The following MYOM1 variants were observed in gnomAD, a reference collection of about 807,000 sequenced individuals.
The protein encoded by MYOM1 is myomesin 1.
MYOM1 carries 164 observed loss-of-function variants against 205.3 expected under a neutral mutation model. The observed-to-expected ratio is 0.80, with a 90% CI of 0.70 to 0.91. The LOEUF (loss-of-function observed/expected upper bound fraction) is 0.91. MYOM1 is among the 40% of genes least tolerant of loss of function. The pLI is 0.00. For synonymous variants in MYOM1, 772 were observed against 789.4 expected (o/e 0.98, Z 0.37); for missense variants, 2,011 against 2,127.3 (o/e 0.95, Z 1.08).
In MYOM1 at chr18:3,142,164, T is replaced by C. The variant is rs1598716668; in HGVS notation, c.1901-101A>G. The C allele has an allele frequency of 2.9e-6, 4 of 1,374,240 alleles. No individual in the cohort carries two copies. In the East Asian group the frequency reaches 7.0e-5, roughly 24 times the overall value. The allele number at this position is 1,374,240 out of a possible 1,614,324, so 85.1% of individuals were successfully genotyped here. ...TCTCCTCCTGAGGAAGAGTTAATTA[T>C]GTCTCCACAGTTTAAAGAAGTACCT... On this transcript the variant is annotated intron_variant, in intron 13 of 37. Transcript: ENST00000356443.
chr18:3,121,638 G>T (rs2097724292), intron 19 of MYOM1, among the ~76,000 whole-genome samples: 1 of 147,872 alleles, frequency 6.8e-6, no homozygotes, highest in Admixed American at 6.9e-5. Flanking sequence ...AGGTAAAGGG[G>T]TAAAGTTTTT....
chr18:3,111,240 C>T (rs1034865427), intron 22 of MYOM1, among the ~76,000 whole-genome samples: 1 of 149,532 alleles, frequency 6.7e-6, no homozygotes, highest in Non-Finnish European at 1.5e-5. Context: ...CAGTGCCTGG[C>T]CTCCGGTGCT....
At chr18:3,241,540 C>A in the MYOM1 span, among the ~76,000 whole-genome samples, 1 of 152,240 alleles carries the variant, frequency 6.6e-6, no homozygotes, top group South Asian at 2.1e-4. Context: ...CCTGGATGCC[C>A]AAGCAGAAGT....
intron 5 of MYOM1, among the ~76,000 whole-genome samples, chr18:3,180,043 T>G (rs1053009489): frequency 3.3e-5 from 5 of 152,166 alleles, no homozygotes; most frequent in African/African-American, 1.2e-4. Flanking sequence ...ATGCCTGTAA[T>G]CCCAGAACTT....
chr18:3,178,912 T>A (rs1036743232), intron 5 of MYOM1, among the ~76,000 whole-genome samples: 2 of 151,918 alleles, frequency 1.3e-5, no homozygotes, highest in African/African-American at 4.8e-5. Flanking sequence ...CTGTCTCCCA[T>A]GCTGGAGTGC....
intron 36 of MYOM1, among the ~76,000 whole-genome samples, chr18:3,072,100 G>T (rs1474853343): frequency 6.6e-6 from 1 of 151,766 alleles, no homozygotes; most frequent in Non-Finnish European, 1.5e-5. Flanking sequence ...ACCCAGGCTG[G>T]AGTGCAATGG....
At chr18:3,147,152 TA>T (rs2080140650) in intron 13 of MYOM1, among the ~76,000 whole-genome samples, 1 of 143,226 alleles carries the variant, frequency 7.0e-6, no homozygotes, top group Non-Finnish European at 1.5e-5. Flanking sequence ...ATATATATAT[TA>T]TATAGAAATA....
chr18:3,108,289 C>T (rs1250466435), intron 22 of MYOM1, among the ~76,000 whole-genome samples: 1 of 152,076 alleles, frequency 6.6e-6, no homozygotes, highest in Non-Finnish European at 1.5e-5. Flanking sequence ...ACCTAATGGG[C>T]GATTACACTA....
At chr18:3,141,099 T>C (rs1302393533) in intron 14 of MYOM1, among the ~76,000 whole-genome samples, 3 of 152,190 alleles carry the variant, frequency 2.0e-5, no homozygotes, top group African/African-American at 7.2e-5. Flanking sequence ...ATGATCCTGT[T>C]AGCCAAGGAC....
intron 19 of MYOM1, among the ~76,000 whole-genome samples, chr18:3,123,496 TGAAGAAAAA>T (rs1179078757): frequency 1.3e-5 from 2 of 151,986 alleles, no homozygotes; most frequent in Non-Finnish European, 2.9e-5. Flanking sequence ...CCAAAACGAA[TGAAGAAAAA>T]TAACATGTTC....
chr18:3,198,659 C>G (rs2081025082), intron 2 of MYOM1, among the ~76,000 whole-genome samples: 5 of 152,000 alleles, frequency 3.3e-5, no homozygotes, highest in South Asian at 2.1e-4. Flanking sequence ...TGGCGGGCGC[C>G]TGTAATCCCA....
intron 10 of MYOM1, 61 bp from the exon 11 acceptor site, chr18:3,155,149 G>A: frequency 6.6e-7 from 1 of 1,517,088 alleles, no homozygotes; most frequent in Non-Finnish European, 8.9e-7. Flanking sequence ...CGGCAGGCAG[G>A]TCTCAGCGCA....
At chr18:3,139,667 C>T (rs1177425375) in intron 14 of MYOM1, among the ~76,000 whole-genome samples, 2 of 152,176 alleles carry the variant, frequency 1.3e-5, no homozygotes, top group Non-Finnish European at 2.9e-5. Flanking sequence ...ACCCCAGGTC[C>T]CTGGACGTGC....
chr18:3,184,300 G>T (rs1354151088), intron 5 of MYOM1, among the ~76,000 whole-genome samples: 1 of 152,126 alleles, frequency 6.6e-6, no homozygotes, highest in East Asian at 1.9e-4. Context: ...AGCAAATGAA[G>T]CTTAAATTTC....
At chr18:3,163,043 A>C (rs931262623) in intron 10 of MYOM1, among the ~76,000 whole-genome samples, 4 of 148,150 alleles carry the variant, frequency 2.7e-5, no homozygotes, top group South Asian at 2.1e-4. Context: ...ACAAAAAAAA[A>C]CAAAAAACCA....
chr18:3,122,238 AG>A (rs2143843668), intron 19 of MYOM1, among the ~76,000 whole-genome samples: 1 of 151,416 alleles, frequency 6.6e-6, no homozygotes, highest in South Asian at 2.1e-4. Flanking sequence ...ACTGTCAGGG[AG>A]GAAAAACACA....
intron 8 of MYOM1, among the ~76,000 whole-genome samples, chr18:3,172,787 A>G (rs2080580391): frequency 6.6e-6 from 1 of 152,216 alleles, no homozygotes; most frequent in Admixed American, 6.5e-5. Flanking sequence ...TTGGGATTAC[A>G]GGCGTGAGCC....
At chr18:3,101,695 CTTA>C (rs1263943018) in intron 23 of MYOM1, among the ~76,000 whole-genome samples, 1 of 152,030 alleles carries the variant, frequency 6.6e-6, no homozygotes, top group African/African-American at 2.4e-5. Context: ...TATAAGTATC[CTTA>C]TTGTTACTTT....
intron 37 of MYOM1, among the ~76,000 whole-genome samples, chr18:3,068,730 T>C (rs1192421355): frequency 6.6e-6 from 1 of 152,208 alleles, no homozygotes; most frequent in Non-Finnish European, 1.5e-5. Context: ...TCCCTTGTTC[T>C]TGCTGACTAG....
Sources: gnomAD v4.1 joint callset for allele counts (sites outside exome capture counted in the v4.1 genomes callset) on GRCh38, gnomAD v4.1.1 for gene constraint, MANE v1.5 for transcripts, NCBI Gene and HGNC (gene_info 2026-07-23, HGNC 2026-07-21) for gene names.